The following CNTNAP2 variants were observed in gnomAD, a reference collection of about 807,000 sequenced individuals.
CNTNAP2 encodes the protein contactin-associated protein-like 2.
CNTNAP2 carries 98 observed loss-of-function variants against 155.2 expected under a neutral mutation model. The observed-to-expected ratio is 0.63, with a 90% CI of 0.54 to 0.75. The LOEUF (loss-of-function observed/expected upper bound fraction) is 0.75, where lower values mean the gene tolerates loss of function less well. Among genes scored for constraint, CNTNAP2 ranks in the 30% least tolerant of loss-of-function variants. The pLI is 0.00. For synonymous variants in CNTNAP2, 651 were observed against 631.2 expected (o/e 1.03, Z -0.47); for missense variants, 1,727 against 1,688.1 (o/e 1.02, Z -0.40).
At position 147,486,040 on chromosome 7, in the gene CNTNAP2, C is replaced by T. The variant is rs1798504381; in HGVS notation, c.1776C>T (p.Asn592=). ...GATACAGTGGGGCCACCTGCCACAACTGTGAGTGCCAATTTATCTCACTTT... is the reference window on the plus strand; with the variant it reads ...GATACAGTGGGGCCACCTGCCACAATTGTGAGTGCCAATTTATCTCACTTT... ...ETGYSGATCH[N]SIYEPSCEAY... The change falls in exon 11 of 24, where the codon AAC becomes AAT. Residue 592 remains asparagine, a splice_region_variant and synonymous_variant. Transcript: ENST00000361727. The T allele has an allele frequency of 6.2e-7, 1 of 1,612,174 alleles. No homozygotes were observed. The highest frequency in any genetic ancestry group is 8.5e-7 in the Non-Finnish European group (1 of 1,178,230).
chr7:147,316,528 G>A (rs1410822927), intron 9 of CNTNAP2, among the ~76,000 whole-genome samples: 1 of 152,100 alleles, frequency 6.6e-6, no homozygotes, highest in Non-Finnish European at 1.5e-5. Context: ...TAAAAGGAGT[G>A]TTAAGATTTT....
At chr7:146,206,400 A>G (rs1399864961) in intron 1 of CNTNAP2, among the ~76,000 whole-genome samples, 1 of 151,916 alleles carries the variant, frequency 6.6e-6, no homozygotes, top group African/African-American at 2.4e-5. Flanking sequence ...TTCATGAGTC[A>G]TAGATAATAT....
At chr7:147,144,744 G>T (rs554383289) in intron 8 of CNTNAP2, among the ~76,000 whole-genome samples, 5 of 152,252 alleles carry the variant, frequency 3.3e-5, no homozygotes, top group Non-Finnish European at 7.4e-5. Flanking sequence ...TAGCAGTTTT[G>T]TAATACACAA....
intron 21 of CNTNAP2, among the ~76,000 whole-genome samples, chr7:148,293,789 C>A (rs930391837): frequency 6.6e-6 from 1 of 152,104 alleles, no homozygotes; most frequent in South Asian, 2.1e-4. Context: ...AATCCCAGCA[C>A]TTTGGGAGGT....
chr7:147,504,880 G>GA (rs1798880032), intron 11 of CNTNAP2, among the ~76,000 whole-genome samples: 1 of 151,460 alleles, frequency 6.6e-6, no homozygotes, highest in Non-Finnish European at 1.5e-5. Flanking sequence ...TTGGGTTAGG[G>GA]AAAATCTGTC....
At chr7:146,354,895 A>C (rs1210787105) in intron 1 of CNTNAP2, among the ~76,000 whole-genome samples, 2 of 152,218 alleles carry the variant, frequency 1.3e-5, no homozygotes, top group African/African-American at 4.8e-5. Context: ...GAGGCATATC[A>C]ATGGCATAAA....
chr7:146,827,205 C>G (rs184534377), intron 2 of CNTNAP2, among the ~76,000 whole-genome samples: 1 of 151,922 alleles, frequency 6.6e-6, no homozygotes, highest in East Asian at 1.9e-4. Flanking sequence ...TCCAGAGAAC[C>G]ATGCTAGGCA....
chr7:146,759,745 G>T (rs538481351), intron 1 of CNTNAP2, among the ~76,000 whole-genome samples: 65 of 149,976 alleles, frequency 4.3e-4, no homozygotes, highest in African/African-American at 1.4e-3. Context: ...TGAGAGCAAG[G>T]TCCCTCAGAA....
At chr7:146,352,807 T>C (rs191846660) in intron 1 of CNTNAP2, among the ~76,000 whole-genome samples, 8 of 137,070 alleles carry the variant, frequency 5.8e-5, no homozygotes, top group South Asian at 4.7e-4. Flanking sequence ...CAGGCTGGAG[T>C]TCAGTGGTGC....
intron 2 of CNTNAP2, among the ~76,000 whole-genome samples, chr7:146,818,585 C>G (rs943127471): frequency 6.6e-6 from 1 of 152,090 alleles, no homozygotes; most frequent in Non-Finnish European, 1.5e-5. Flanking sequence ...AGAACTCAAA[C>G]TGATTTCTGT....
At chr7:147,126,269 G>A (rs12703879) in intron 6 of CNTNAP2, among the ~76,000 whole-genome samples, 30,834 of 152,036 alleles carry the variant, frequency 0.2, 4,070 homozygotes, top group Non-Finnish European at 0.29. Context: ...ACACTTGAAA[G>A]CTAACAAAAT....
chr7:147,335,117 C>T (rs1189406189), intron 9 of CNTNAP2, among the ~76,000 whole-genome samples: 3 of 151,964 alleles, frequency 2.0e-5, no homozygotes, highest in Non-Finnish European at 4.4e-5. Context: ...TTAAATTTAC[C>T]TAGTTTGAGA....
At chr7:146,911,340 TAA>T (rs1014947265) in intron 3 of CNTNAP2, among the ~76,000 whole-genome samples, 3 of 152,212 alleles carry the variant, frequency 2.0e-5, no homozygotes, top group African/African-American at 7.2e-5. Flanking sequence ...CATGCTGCTA[TAA>T]AGACACATGC....
intron 1 of CNTNAP2, among the ~76,000 whole-genome samples, chr7:146,238,837 A>T (rs2116924667): frequency 6.6e-6 from 1 of 152,300 alleles, no homozygotes. Context: ...GGCAGGAAGA[A>T]GTGAATGCAG....
intron 13 of CNTNAP2, among the ~76,000 whole-genome samples, chr7:147,849,270 A>G (rs1252714853): frequency 3.9e-5 from 6 of 152,234 alleles, no homozygotes; most frequent in Non-Finnish European, 8.8e-5. Context: ...CATGTGTTTC[A>G]ATAAACACGA....
In CNTNAP2 at chr7:146,863,514, A is replaced by G. The variant is rs17170279; in HGVS notation, c.402+23610A>G. Reference sequence around the variant, plus strand: ...AACTTGTAAAATGAGAATAGCCTTGATTCAAAATAACTAATTAAATACAGA... The same window carrying G: ...AACTTGTAAAATGAGAATAGCCTTGGTTCAAAATAACTAATTAAATACAGA... On this transcript the variant is annotated intron_variant, in intron 3 of 23. Transcript: ENST00000361727. Among the ~76,000 whole-genome samples the G allele has an allele frequency of 9.6e-3, 1,461 of 152,146 alleles. 26 individuals are homozygous for G. Among genetic ancestry groups the G allele is most frequent in the African/African-American group, 0.034 (1,409 of 41,552 alleles).
At chr7:148,393,347 AAC>A (rs1799396129) in intron 22 of CNTNAP2, among the ~76,000 whole-genome samples, 2 of 152,170 alleles carry the variant, frequency 1.3e-5, no homozygotes, top group Admixed American at 6.5e-5. Flanking sequence ...TTCAGTCACC[AAC>A]ACAGTTCACA....
At position 148,258,906 on chromosome 7, in the gene CNTNAP2, G is replaced by A. The variant is rs1344506996; in HGVS notation, c.3382-8127G>A. Among the ~76,000 whole-genome samples the A allele has an allele frequency of 4.6e-5, 7 of 151,982 alleles. No individual in the cohort carries two copies. The South Asian group carries it at 6.3e-4, about 14-fold the overall frequency. On this transcript the variant is annotated intron_variant, in intron 20 of 23. Coordinates refer to ENST00000361727, the MANE Select transcript of CNTNAP2 (RefSeq NM_014141.6). ...AAAAATTAGCCAGGCAGCCAGGCAC[G>A]GTGGCTCACACCTGTAATCCCAGCA...
At chr7:147,487,695 C>CA (rs1032424071) in intron 11 of CNTNAP2, among the ~76,000 whole-genome samples, 2 of 115,172 alleles carry the variant, frequency 1.7e-5, no homozygotes, top group African/African-American at 8.3e-5. Flanking sequence ...AAATACACAG[C>CA]AAAAAGGCAA....
Sources: gnomAD v4.1 joint callset for allele counts (sites outside exome capture counted in the v4.1 genomes callset) on GRCh38, gnomAD v4.1.1 for gene constraint, MANE v1.5 for transcripts, NCBI Gene and HGNC (gene_info 2026-07-23, HGNC 2026-07-21) for gene names.